The following TET2 variants were observed in gnomAD, a reference collection of about 807,000 sequenced individuals.
TET2 encodes the protein methylcytosine dioxygenase TET2.
In TET2, 299 loss-of-function variants were observed where a neutral mutation model predicts 142.9. The ratio of observed to expected loss-of-function variants is 2.09; its 90% confidence interval spans 1.90 to 2.30. The LOEUF is 2.30. TET2 is among the 30% of genes most tolerant of loss of function. The pLI, the probability that TET2 is intolerant of heterozygous loss-of-function variation, is 0.00. For synonymous variants in TET2, 819 were observed against 849.0 expected (o/e 0.96, Z 0.61); for missense variants, 2,418 against 2,378.0 (o/e 1.02, Z -0.35).
chr4:105,233,984 A>T lies in TET2; in HGVS notation c.42A>T (p.Leu14=). 6.2e-7 allele frequency: 1 copy of T among 1,614,088 alleles called. No individual in the cohort carries two copies. The highest frequency in any genetic ancestry group is 2.2e-5 in the East Asian group (1 of 44,854). ...DRTNHVEGNR[L]SPFLIPSPPI... is the part of the protein sequence containing the mutation. ...CCAACCATGTTGAGGGCAACAGACT[A>T]AGTCCATTCCTGATACCATCACCTC... is the stretch of plus-strand genomic sequence containing the variant. Residue 14 remains leucine, a synonymous_variant, in exon 3 of 11, where the codon CTA becomes CTT. Coordinates refer to ENST00000380013, the MANE Select transcript of TET2 (RefSeq NM_001127208.3).
At chr4:105,230,055 T>A (rs931653) in intron 2 of TET2, among the ~76,000 whole-genome samples, 13,264 of 151,892 alleles carry the variant, frequency 0.087, 1,666 homozygotes, top group African/African-American at 0.28. Flanking sequence ...ATATATATAT[T>A]TTTTGAGACA....
At position 105,231,634 on chromosome 4, in the gene TET2, C is replaced by CT. The variant is rs1426417744; in HGVS notation, c.-46-2262dup. Among the ~76,000 whole-genome samples, 9 of 152,100 alleles carry CT rather than the reference C, an allele frequency of 5.9e-5. No individual in the cohort carries two copies. The East Asian group carries it at 1.5e-3, about 26-fold the overall frequency. ...ATAACTTTAGCGTTGCTTTCAACATCTATATTCTTATTCTATTTCATTTTT... is the reference window on the plus strand; with the variant it reads ...ATAACTTTAGCGTTGCTTTCAACATCTTATATTCTTATTCTATTTCATTTTT... On this transcript the variant is annotated intron_variant, in intron 2 of 10. Coordinates refer to ENST00000380013, the MANE Select transcript of TET2 (RefSeq NM_001127208.3).
rs750810129 is a variant in TET2, at chr4:105,234,883, GT to G, written c.943del (p.Ser315ProfsTer32). On this transcript the variant is annotated frameshift_variant, in exon 3 of 11. Coordinates refer to ENST00000380013, the MANE Select transcript of TET2 (RefSeq NM_001127208.3). LOFTEE classifies it high-confidence loss of function. Reference sequence around the variant, plus strand: ...AAACTAGCTGCAATGCTAAATACCTGTTCCTTTCAGAAACCAGAACAACTAC... The same window carrying G: ...AAACTAGCTGCAATGCTAAATACCTGTCCTTTCAGAAACCAGAACAACTAC... ...ASKLAAMLNT[C>X]SFQKPEQLQQ... 3 of 1,614,044 alleles carry G rather than the reference GT, an allele frequency of 1.9e-6. No individual in the cohort carries two copies. Among genetic ancestry groups the G allele is most frequent in the Non-Finnish European group, 2.5e-6 (3 of 1,180,002 alleles).
intron 8 of TET2, 67 bp downstream of exon 8, chr4:105,261,915 AAT>A: frequency 1.1e-6 from 1 of 903,400 alleles, no homozygotes; most frequent in South Asian, 1.6e-5. Flanking sequence ...TATGTCCAAA[AAT>A]ATTTTTGAAA....
rs1370816053 is a variant in TET2, at chr4:105,278,095, GTAAAT to G, written c.*1583_*1587del. 9 of 189,884 alleles carry G rather than the reference GTAAAT, an allele frequency of 4.7e-5. No homozygotes were observed. The East Asian group carries it at 6.6e-4, about 14-fold the overall frequency. The allele number at this position is 189,884 out of a possible 1,614,324, so 11.8% of individuals were successfully genotyped here. A position where few individuals can be genotyped will look rare whatever the true frequency, so the allele number is the denominator to read the frequency against. On this transcript the variant is annotated 3_prime_UTR_variant, in exon 11 of 11. Coordinates refer to ENST00000380013, the MANE Select transcript of TET2 (RefSeq NM_001127208.3). Reference sequence around the variant, plus strand: ...TATAAAGAAGTGAAAGAGTTGTATAGTAAATTAAATTGTAAACAAAACTTTTTTAA... The same window carrying G: ...TATAAAGAAGTGAAAGAGTTGTATAGTAAATTGTAAACAAAACTTTTTTAA...
Position 105,276,495 on chromosome 4 carries a change from A to G in TET2, c.5985A>G (p.Thr1995=), listed in dbSNP as rs150856734. The G allele has an allele frequency of 1.3e-5, 20 of 1,551,628 alleles. No individual in the cohort carries two copies. In the East Asian group the frequency reaches 4.9e-4, roughly 38 times the overall value. The change falls in exon 11 of 11, where the codon ACA becomes ACG. Residue 1995 remains threonine, a synonymous_variant. Coordinates refer to ENST00000380013, the MANE Select transcript of TET2 (RefSeq NM_001127208.3). The part of the protein sequence containing the change: ...TTSPYAFTRV[T]GPYNRYI ...CTCCATATGCCTTCACTCGGGTCAC[A>G]GGGCCTTACAACAGATATATATGAT...
At chr4:105,166,498 C>A (rs72665920) in intron 1 of TET2, among the ~76,000 whole-genome samples, 16,648 of 150,890 alleles carry the variant, frequency 0.11, 1,179 homozygotes, top group Non-Finnish European at 0.16. Context: ...TTTTTCTGTT[C>A]TAATTTAGAG....
Position 105,279,759 on chromosome 4 carries a change from TGTGA to T in TET2, c.*3244_*3247del. 4.5e-6 allele frequency: 1 copy of T among 220,636 alleles called. No homozygotes were observed. Among genetic ancestry groups the T allele is most frequent in the African/African-American group, 2.2e-5 (1 of 44,794 alleles). The allele number at this position is 220,636 out of a possible 1,614,324, so 13.7% of individuals were successfully genotyped here. A position where few individuals can be genotyped will look rare whatever the true frequency, so the allele number is the denominator to read the frequency against. ...TATTATATCATTCCTGATAATGCTA[TGTGA>T]GTGTTTTTAATAAAATTTATATTTA... On this transcript the variant is annotated 3_prime_UTR_variant, in exon 11 of 11. Coordinates refer to ENST00000380013, the MANE Select transcript of TET2 (RefSeq NM_001127208.3).
At chr4:105,162,646 G>GTAGT (rs1296850287) in intron 1 of TET2, among the ~76,000 whole-genome samples, 1 of 152,202 alleles carries the variant, frequency 6.6e-6, no homozygotes, top group Non-Finnish European at 1.5e-5. Flanking sequence ...AGAAGCTAGT[G>GTAGT]TAGTAACTTA....
chr4:105,225,194 G>GTGTGTGTGTGTGTA (rs1560534535), intron 2 of TET2, among the ~76,000 whole-genome samples: 1 of 151,768 alleles, frequency 6.6e-6, no homozygotes, highest in African/African-American at 2.4e-5. Flanking sequence ...TCGTGTGTGT[G>GTGTGTGTGTGTGTA]TGTGTGTGTG....
rs59695275 is a variant in TET2 at position 105,250,380 on chromosome 4, ATT to A, written c.3803+6632_3803+6633del. Among the ~76,000 whole-genome samples, 597 of 60,198 alleles carry A rather than the reference ATT, an allele frequency of 9.9e-3. 2 individuals carry two copies. Among genetic ancestry groups the A allele is most frequent in the African/African-American group, 0.041 (566 of 13,864 alleles). The allele number at this position is 60,198 out of a possible 152,430, so 39.5% of individuals were successfully genotyped here. On this transcript the variant is annotated intron_variant, in intron 6 of 10. Coordinates refer to ENST00000380013, the MANE Select transcript of TET2 (RefSeq NM_001127208.3). ...ATCAGCTTCTCCGTTTCCTTTCTGG[ATT>A]TTTTTTTTTTTTTTTTTTTTTTTTT... is the stretch of plus-strand genomic sequence containing the variant.
At chr4:105,209,692 G>C (rs1488482080) in intron 2 of TET2, among the ~76,000 whole-genome samples, 2 of 152,110 alleles carry the variant, frequency 1.3e-5, no homozygotes, top group African/African-American at 4.8e-5. Context: ...TTTATAAGAG[G>C]ACGTGTTTAA....
Position 105,235,294 on chromosome 4 carries a change from TA to T in TET2, c.1353del (p.Ile451MetfsTer35), listed in dbSNP as rs751750479. Reference protein sequence around the residue: ...SNTTLLREVKIEGKPEAPPSQ... With the variant: ...SNTTLLREVKXEGKPEAPPSQ... ...ACAACACTTTTAAGGGAAGTGAAAA[TA>T]GAGGGTAAACCTGAGGCACCACCTT... On this transcript the variant is annotated frameshift_variant, in exon 3 of 11. Coordinates refer to ENST00000380013, the MANE Select transcript of TET2 (RefSeq NM_001127208.3). LOFTEE classifies it high-confidence loss of function. 2 of 1,613,966 alleles carry T rather than the reference TA, an allele frequency of 1.2e-6. No homozygotes were observed. Among genetic ancestry groups the T allele is most frequent in the Admixed American group, 1.7e-5 (1 of 59,996 alleles).
At position 105,198,028 on chromosome 4, in the gene TET2, T is replaced by C. The variant is rs186139742; in HGVS notation, c.-47+7523T>C. The stretch of plus-strand genomic sequence containing the variant: ...AGAAAAGCATCTCTGAATGCCTACA[T>C]AGTAAGTATTTAATAAATGTTTTTT... On this transcript the variant is annotated intron_variant, in intron 2 of 10. Transcript: ENST00000380013. 7.9e-5 allele frequency among the ~76,000 whole-genome samples: 12 copies of C among 152,252 alleles called. No individual in the cohort carries two copies. The South Asian group carries it at 2.1e-3, about 26-fold the overall frequency.
chr4:105,180,162 G>A (rs1725033140), intron 1 of TET2, among the ~76,000 whole-genome samples: 1 of 152,144 alleles, frequency 6.6e-6, no homozygotes, highest in Non-Finnish European at 1.5e-5. Flanking sequence ...CAAAATCAAT[G>A]ACAAAACTTT....
chr4:105,270,434 G>C (rs138262066), intron 9 of TET2, among the ~76,000 whole-genome samples: 273 of 152,268 alleles, frequency 1.8e-3, no homozygotes, highest in African/African-American at 5.8e-3. Flanking sequence ...CCAGTTACCT[G>C]GTAGATTGTA....
At chr4:105,251,833 C>T (rs1453194352) in intron 6 of TET2, among the ~76,000 whole-genome samples, 1 of 152,020 alleles carries the variant, frequency 6.6e-6, no homozygotes, top group Non-Finnish European at 1.5e-5. Context: ...AATTCTCTAC[C>T]CCTGGGCTTT....
At chr4:105,189,316 A>G (rs949822946) in intron 1 of TET2, among the ~76,000 whole-genome samples, 7 of 152,182 alleles carry the variant, frequency 4.6e-5, no homozygotes, top group African/African-American at 1.2e-4. Context: ...CTGAGCTTCA[A>G]CTGCTTCTGA....
chr4:105,235,347 G>A lies in TET2; in HGVS notation c.1405G>A (p.Val469Ile). 6.2e-7 allele frequency: 1 copy of A among 1,614,126 alleles called. No homozygotes were observed. Among genetic ancestry groups the A allele is most frequent in the Non-Finnish European group, 8.5e-7 (1 of 1,180,004 alleles). Residue 469 changes from valine to isoleucine, a missense_variant, in exon 3 of 11, where the codon GTA becomes ATA. By Grantham distance (29) the Val-to-Ile change is conservative. Coordinates refer to ENST00000380013, the MANE Select transcript of TET2 (RefSeq NM_001127208.3). Reference sequence around the variant, plus strand: ...CCAGAGTCCTAATCCATCTACACATGTATGCAGCCCTTCTCCGATGCTTTC... The same window carrying A: ...CCAGAGTCCTAATCCATCTACACATATATGCAGCCCTTCTCCGATGCTTTC... ...PSQSPNPSTH[V>I]CSPSPMLSER...
Sources: allele counts gnomAD v4.1 joint callset (sites outside exome capture counted in the v4.1 genomes callset), GRCh38; gene constraint gnomAD v4.1.1; transcripts MANE v1.5; gene names NCBI Gene and HGNC (gene_info 2026-07-23, HGNC 2026-07-21).